Variants in DOCK9 observed in about 807,000 individuals in gnomAD.
DOCK9 encodes the protein dedicator of cytokinesis 9.
DOCK9 carries 89 observed loss-of-function variants against 263.3 expected under a neutral mutation model. The ratio of observed to expected loss-of-function variants is 0.34; its 90% CI spans 0.28 to 0.40. The LOEUF is 0.40. Among genes scored for constraint, DOCK9 ranks in the 10% least tolerant of loss-of-function variants. The probability of loss-of-function intolerance (pLI) is 1.00; values close to 1 mark genes in which losing one functional copy is unlikely to be tolerated. For synonymous variants in DOCK9, 976 were observed against 973.1 expected, an observed-to-expected ratio of 1.00 and a Z score of -0.06; for missense variants, 2,140 against 2,603.4, an observed-to-expected ratio of 0.82 and a Z score of 3.87.
In DOCK9 at chr13:98,846,037, A is replaced by G; in HGVS notation, c.4085T>C (p.Ile1362Thr). ...TGTCTGAGACTTTCGATCATGAACT[A>G]TGGGTCCCAACCCCTCCTGGTTCCT... ...IARNQEGLGP[I>T]VHDRKSQTLP... The change falls in exon 38 of 53, where the codon ATA becomes ACA. Residue 1362 changes from isoleucine to threonine, a missense_variant. Transcript: ENST00000682017. The G allele has an allele frequency of 1.9e-6, 3 of 1,588,020 alleles. No individual in the cohort carries two copies. The highest frequency in any genetic ancestry group is 2.6e-6 in the Non-Finnish European group (3 of 1,166,110).
intron 48 of DOCK9, 92 bp downstream of exon 48, chr13:98,807,569 T>A: frequency 1.6e-5 from 19 of 1,184,592 alleles, no homozygotes; most frequent in Non-Finnish European, 2.1e-5. Context: ...AATATTTTTC[T>A]TGTGTTTTTT....
intron 33 of DOCK9, 103 bp downstream of exon 33, chr13:98,860,302 T>C: frequency 6.6e-7 from 1 of 1,516,588 alleles, no homozygotes; most frequent in South Asian, 1.3e-5. Flanking sequence ...CAACTTAGAC[T>C]TCAAGGTCCT....
intron 37 of DOCK9, chr13:98,847,074 C>A (rs1403799031): frequency 1.3e-5 from 2 of 156,514 alleles, no homozygotes; most frequent in South Asian, 1.9e-4. Flanking sequence ...AAATTTATAT[C>A]CACTGAAAAA....
chr13:98,881,446 G>C (rs2044744585), intron 25 of DOCK9, 112 bp downstream of exon 25: 32 of 810,384 alleles, frequency 3.9e-5, no homozygotes, highest in South Asian at 2.7e-4. Context: ...AGAAGAGAAA[G>C]CATACGTTAC....
intron 1 of DOCK9, among the ~76,000 whole-genome samples, chr13:98,991,351 C>T (rs559877526): frequency 3.9e-5 from 6 of 152,036 alleles, no homozygotes; most frequent in African/African-American, 9.6e-5. Flanking sequence ...ATTACAGGCG[C>T]GAGCCACCGC....
rs2091040652 is a variant in DOCK9 at position 98,809,223 on chromosome 13, C to T, written c.5367+129G>A. 4.9e-6 allele frequency: 6 copies of T among 1,224,428 alleles called. No individual in the cohort carries two copies. In the Admixed American group the frequency reaches 7.2e-5, roughly 15 times the overall value. 75.8% of individuals were successfully genotyped at this position (1,224,428 alleles called of 1,614,324 possible). The stretch of plus-strand genomic sequence containing the variant: ...AGAATCATACTAAATATGACAAATT[C>T]ATCAAATTAGCAATTACAGAAAACA... On this transcript the variant is annotated intron_variant, in intron 47 of 52. Coordinates refer to ENST00000682017, the MANE Select transcript of DOCK9 (RefSeq NM_001366683.2).
chr13:98,989,635 G>A (rs984380674), intron 1 of DOCK9, among the ~76,000 whole-genome samples: 4 of 152,094 alleles, frequency 2.6e-5, no homozygotes, highest in Non-Finnish European at 5.9e-5. Context: ...CACATATGAG[G>A]GTATTTGGCT....
chr13:98,965,873 T>C (rs1272943890), intron 1 of DOCK9, among the ~76,000 whole-genome samples: 2 of 152,200 alleles, frequency 1.3e-5, no homozygotes, highest in Non-Finnish European at 2.9e-5. Context: ...AATTAGACAT[T>C]TGTGAATGCA....
At chr13:98,850,999 T>C (rs573477218) in intron 35 of DOCK9, among the ~76,000 whole-genome samples, 1 of 152,292 alleles carries the variant, frequency 6.6e-6, no homozygotes, top group African/African-American at 2.4e-5. Context: ...TGATGGCTCA[T>C]GAAGATGTAT....
chr13:98,885,243 A>C (rs1423802855), intron 20 of DOCK9, 151 bp from the exon 21 acceptor site: 44 of 1,103,996 alleles, frequency 4.0e-5, no homozygotes, highest in Non-Finnish European at 5.3e-5. Context: ...TAATCTCTGC[A>C]GAACATTGTC....
At chr13:99,086,256 G>A (rs1487219727) in exon 1 of DOCK9, 49 of 1,501,052 alleles carry the variant, frequency 3.3e-5, no homozygotes, top group Non-Finnish European at 3.9e-5. Context: ...CCTCAGACAC[G>A]CTCTGCCGCA....
At chr13:98,891,086 C>G (rs2046545747) in intron 15 of DOCK9, among the ~76,000 whole-genome samples, 1 of 152,156 alleles carries the variant, frequency 6.6e-6, no homozygotes, top group South Asian at 2.1e-4. Flanking sequence ...TTCACACACA[C>G]AAGATCCTTT....
rs1183491868 is a variant in DOCK9, at chr13:98,902,301, T to C, written c.1367A>G (p.Gln456Arg). The change falls in exon 12 of 53, where the codon CAG becomes CGG. Residue 456 changes from glutamine (Q) to arginine (R), a missense_variant. Physicochemically the swap from Gln to Arg is conservative, Grantham distance 43. Coordinates refer to ENST00000682017, the MANE Select transcript of DOCK9 (RefSeq NM_001366683.2). Reference protein sequence around the residue: ...LKGILHEAAMQYPKQGIFSVT... With the variant: ...LKGILHEAAMRYPKQGIFSVT... Reference sequence around the variant, plus strand: ...CATACTCCCCACCTGCTTCGGATACTGCATGGCGGCTTCATGAAGGATGCC... The same window carrying C: ...CATACTCCCCACCTGCTTCGGATACCGCATGGCGGCTTCATGAAGGATGCC... 2 of 1,613,860 alleles carry C rather than the reference T, an allele frequency of 1.2e-6. No individual in the cohort carries two copies. Among genetic ancestry groups the C allele is most frequent in the South Asian group, 1.1e-5 (1 of 91,074 alleles).
chr13:98,867,331 A>C, intron 30 of DOCK9, 94 bp downstream of exon 30: 4 of 795,320 alleles, frequency 5.0e-6, no homozygotes, highest in Non-Finnish European at 8.1e-6. Context: ...AAAAATCAGA[A>C]AATTCAAATA....
intron 1 of DOCK9, among the ~76,000 whole-genome samples, chr13:99,050,777 C>T (rs922984280): frequency 2.0e-5 from 3 of 152,212 alleles, no homozygotes; most frequent in Non-Finnish European, 2.9e-5. Context: ...CTCCATCTAT[C>T]CCCTAGAGCA....
At chr13:98,805,945 A>G (rs1191285391) in intron 48 of DOCK9, among the ~76,000 whole-genome samples, 4 of 152,132 alleles carry the variant, frequency 2.6e-5, no homozygotes, top group African/African-American at 9.7e-5. Flanking sequence ...TTTTTAGCAG[A>G]CACAGGGTTT....
intron 1 of DOCK9, among the ~76,000 whole-genome samples, chr13:98,958,950 A>C (rs1466600458): frequency 6.6e-6 from 1 of 152,286 alleles, no homozygotes; most frequent in South Asian, 2.1e-4. Flanking sequence ...TTTCCCCCCA[A>C]GGTGTATCTT....
intron 38 of DOCK9, among the ~76,000 whole-genome samples, chr13:98,842,470 T>C (rs2093256375): frequency 6.6e-6 from 1 of 152,262 alleles, no homozygotes; most frequent in Non-Finnish European, 1.5e-5. Context: ...TCTTGGCTGG[T>C]GTTCCCTGCA....
intron 1 of DOCK9, among the ~76,000 whole-genome samples, chr13:98,990,126 T>C (rs1340369537): frequency 1.3e-5 from 2 of 152,198 alleles, no homozygotes; most frequent in East Asian, 3.8e-4. Flanking sequence ...GTGACCATCA[T>C]AGGATGGTAA....
Sources: allele counts gnomAD v4.1 joint callset (sites outside exome capture counted in the v4.1 genomes callset), GRCh38; gene constraint gnomAD v4.1.1; transcripts MANE v1.5; gene names NCBI Gene and HGNC (gene_info 2026-07-23, HGNC 2026-07-21).